The following TRIM61 variants were observed in gnomAD, a reference collection of about 807,000 sequenced individuals.
TRIM61 encodes putative tripartite motif-containing protein 61.
In TRIM61, 1 loss-of-function variant was observed where a neutral mutation model predicts 14.2. The observed-to-expected ratio is 0.07, with a 90% CI of 0.03 to 0.33. The LOEUF is 0.33. Among genes scored for constraint, TRIM61 ranks in the 10% least tolerant of loss-of-function variants. The probability of loss-of-function intolerance (pLI) is 0.99; values close to 1 mark genes in which losing one functional copy is unlikely to be tolerated. For missense variants in TRIM61, 19 were observed against 202.2 expected (o/e 0.09, Z 5.49); for synonymous variants, 8 against 71.6 (o/e 0.11, Z 4.49).
At chr4:164,956,269 T>C (rs113611251) in intron 3 of TRIM61, among the ~76,000 whole-genome samples, 388 of 152,294 alleles carry the variant, frequency 2.5e-3, no homozygotes, top group African/African-American at 8.5e-3. Flanking sequence ...TTTCACCATG[T>C]TGGCCTGGCT....
intron 2 of TRIM61, among the ~76,000 whole-genome samples, chr4:164,975,214 G>A (rs1243347755): frequency 6.8e-6 from 1 of 147,716 alleles, no homozygotes; most frequent in Middle Eastern, 3.2e-3. Context: ...TGGGTGAAAA[G>A]AGGAAAACTC....
At chr4:164,960,644 A>G (rs1732112341) in intron 3 of TRIM61, among the ~76,000 whole-genome samples, 1 of 152,142 alleles carries the variant, frequency 6.6e-6, no homozygotes. Context: ...AACTAATATA[A>G]TCTACAAGTA....
chr4:164,962,511 G>A (rs965158798), intron 3 of TRIM61, among the ~76,000 whole-genome samples: 1 of 151,886 alleles, frequency 6.6e-6, no homozygotes, highest in Non-Finnish European at 1.5e-5. Flanking sequence ...CCAAAGTGCT[G>A]GGATTACAGG....
At chr4:164,956,236 T>G (rs552778474) in intron 3 of TRIM61, among the ~76,000 whole-genome samples, 6 of 152,204 alleles carry the variant, frequency 3.9e-5, no homozygotes, top group African/African-American at 1.2e-4. Context: ...CGGCTAATTT[T>G]TGTATTTTTT....
chr4:164,957,551 A>T (rs1199851450), intron 3 of TRIM61: 5 of 1,529,966 alleles, frequency 3.3e-6, no homozygotes, highest in Non-Finnish European at 3.5e-6. Flanking sequence ...CTGAAACAGC[A>T]AGTGTAAAAT....
At chr4:164,957,075 G>A in intron 3 of TRIM61, 7 of 1,539,990 alleles carry the variant, frequency 4.5e-6, no homozygotes, top group Non-Finnish European at 6.1e-6. Context: ...CCCGGACCCA[G>A]CGCCTGGAGA....
At chr4:164,966,925 T>C (rs939289884) in intron 3 of TRIM61, among the ~76,000 whole-genome samples, 2 of 151,302 alleles carry the variant, frequency 1.3e-5, no homozygotes, top group Non-Finnish European at 2.9e-5. Flanking sequence ...AGACTCTATG[T>C]CAAAAATAAA....
intron 2 of TRIM61, among the ~76,000 whole-genome samples, chr4:164,973,002 A>C (rs1304148826): frequency 6.6e-5 from 10 of 152,132 alleles, no homozygotes; most frequent in Admixed American, 5.2e-4. Flanking sequence ...CAAACAAACA[A>C]ACACAGGTAT....
intron 3 of TRIM61, among the ~76,000 whole-genome samples, chr4:164,956,376 C>T (rs751948350): frequency 6.6e-6 from 1 of 152,134 alleles, no homozygotes; most frequent in Non-Finnish European, 1.5e-5. Context: ...TAAAAGGAAG[C>T]TTTTAAATTG....
intron 3 of TRIM61, chr4:164,968,566 G>A (rs1332964864): frequency 6.8e-5 from 67 of 984,792 alleles, no homozygotes; most frequent in East Asian, 1.1e-4. Context: ...CTAGGTGAAA[G>A]AAACTGAGTC....
chr4:164,966,981 T>A (rs1005849514), intron 3 of TRIM61, among the ~76,000 whole-genome samples: 1 of 152,002 alleles, frequency 6.6e-6, no homozygotes, highest in African/African-American at 2.4e-5. Context: ...CAGGAAGAGA[T>A]ACAGATGTCT....
At chr4:164,956,857 A>T (rs1192905796) in intron 3 of TRIM61, 3 of 675,266 alleles carry the variant, frequency 4.4e-6, no homozygotes, top group Non-Finnish European at 7.3e-6. Flanking sequence ...CACCCCAAGC[A>T]CTGCAGCGTT....
Position 164,975,102 on chromosome 4 carries a change from G to A in TRIM61, c.-338+1586C>T, listed in dbSNP as rs138397822. 4.0e-3 allele frequency among the ~76,000 whole-genome samples: 610 copies of A among 152,048 alleles called. 5 individuals carry two copies. Among genetic ancestry groups the A allele is most frequent in the East Asian group, 0.012 (60 of 5,168 alleles). ...GCAAAAATTAGCCGGGCATGGTGGC[G>A]CGCCTGTAGTCCCAGCTACTTGGGA... On this transcript the variant is annotated intron_variant, in intron 2 of 4. Coordinates refer to ENST00000329314, the MANE Select transcript of TRIM61 (RefSeq NM_001012414.3).
At chr4:164,961,029 CAAAA>C (rs1212198260) in intron 3 of TRIM61, among the ~76,000 whole-genome samples, 6 of 149,072 alleles carry the variant, frequency 4.0e-5, no homozygotes, top group Non-Finnish European at 8.9e-5. Context: ...ACAAAAGAAA[CAAAA>C]AACAAAAATC....
At chr4:164,956,726 G>A (rs1731997025) in intron 3 of TRIM61, among the ~76,000 whole-genome samples, 1 of 152,184 alleles carries the variant, frequency 6.6e-6, no homozygotes, top group Non-Finnish European at 1.5e-5. Flanking sequence ...GTTAAGGCGG[G>A]GCAGGGAGAG....
chr4:164,962,413 G>A (rs1732156932), intron 3 of TRIM61, among the ~76,000 whole-genome samples: 1 of 151,638 alleles, frequency 6.6e-6, no homozygotes, highest in South Asian at 2.1e-4. Context: ...GTGTGTGTGT[G>A]TGTGTATTTT....
intron 3 of TRIM61, chr4:164,957,530 A>T (rs1732040350): frequency 1.3e-6 from 2 of 1,553,700 alleles, no homozygotes; most frequent in Admixed American, 2.0e-5. Flanking sequence ...CTCACAGGGG[A>T]CATCTGACAT....
chr4:164,977,266 T>C (rs1329141168), intron 1 of TRIM61, among the ~76,000 whole-genome samples: 3 of 152,048 alleles, frequency 2.0e-5, no homozygotes, highest in Non-Finnish European at 4.4e-5. Context: ...ACACGTACAT[T>C]AACTCTTTGA....
At chr4:164,971,364 G>A (rs1387527731) in intron 2 of TRIM61, among the ~76,000 whole-genome samples, 1 of 152,096 alleles carries the variant, frequency 6.6e-6, no homozygotes, top group African/African-American at 2.4e-5. Flanking sequence ...GGCCAAGGTG[G>A]GCAGATCACC....
Sources: gnomAD v4.1 joint callset for allele counts (sites outside exome capture counted in the v4.1 genomes callset) on GRCh38, gnomAD v4.1.1 for gene constraint, MANE v1.5 for transcripts, NCBI Gene and HGNC (gene_info 2026-07-23, HGNC 2026-07-21) for gene names.